Variants in STK32A observed in about 807,000 individuals in gnomAD.
STK32A encodes the protein serine/threonine-protein kinase 32A.
In STK32A, 41 loss-of-function variants were observed where a neutral mutation model predicts 53.2. The ratio of observed to expected loss-of-function variants is 0.77; its 90% CI spans 0.60 to 1.00. The LOEUF is 1.00. STK32A is among the 50% of genes least tolerant of loss of function. The pLI, the probability that STK32A is intolerant of heterozygous loss-of-function variation, is 0.00. For missense variants in STK32A, 458 were observed against 485.8 expected (o/e 0.94, Z 0.54); for synonymous variants, 166 against 162.8 (o/e 1.02, Z -0.15).
the STK32A span, among the ~76,000 whole-genome samples, chr5:147,395,171 A>G: frequency 6.6e-6 from 1 of 152,244 alleles, no homozygotes; most frequent in African/African-American, 2.4e-5. Flanking sequence ...GAGCATAAAA[A>G]TAATTTAAGC....
At chr5:147,324,728 G>C (rs963614686) in intron 5 of STK32A, among the ~76,000 whole-genome samples, 11 of 152,152 alleles carry the variant, frequency 7.2e-5, no homozygotes, top group African/African-American at 2.7e-4. Context: ...TAAATGATCA[G>C]AGCAGATATA....
intron 4 of STK32A, among the ~76,000 whole-genome samples, chr5:147,313,844 G>C (rs1289171271): frequency 6.6e-6 from 1 of 152,080 alleles, no homozygotes; most frequent in African/African-American, 2.4e-5. Context: ...TTCAACAACT[G>C]GTGCTGGGAC....
chr5:147,401,508 A>G, the STK32A span: 3 of 1,584,862 alleles, frequency 1.9e-6, no homozygotes, highest in East Asian at 2.3e-5. Flanking sequence ...TGTTTTCACA[A>G]AACGCCTGCT....
chr5:147,290,283 A>G (rs1470406847), intron 4 of STK32A, among the ~76,000 whole-genome samples: 1 of 152,144 alleles, frequency 6.6e-6, no homozygotes, highest in Non-Finnish European at 1.5e-5. Flanking sequence ...GTCTGGGGGC[A>G]GGGACGTTAA....
chr5:147,280,786 A>C (rs1372713541), intron 4 of STK32A, among the ~76,000 whole-genome samples: 1 of 152,138 alleles, frequency 6.6e-6, no homozygotes, highest in African/African-American at 2.4e-5. Flanking sequence ...CATAATACCA[A>C]AGCTGATGCT....
At chr5:147,309,864 C>A (rs1399972595) in intron 4 of STK32A, among the ~76,000 whole-genome samples, 1 of 152,070 alleles carries the variant, frequency 6.6e-6, no homozygotes, top group African/African-American at 2.4e-5. Flanking sequence ...ATTCTAACTC[C>A]CGACTCCCAA....
chr5:147,381,899 C>T (rs1386549207), intron 11 of STK32A, among the ~76,000 whole-genome samples: 3 of 152,022 alleles, frequency 2.0e-5, no homozygotes, highest in African/African-American at 4.8e-5. Context: ...CCCTGGGCCA[C>T]GTTGGAAGAA....
chr5:147,298,191 T>C (rs183529200), intron 4 of STK32A, among the ~76,000 whole-genome samples: 2 of 152,120 alleles, frequency 1.3e-5, no homozygotes, highest in Non-Finnish European at 2.9e-5. Flanking sequence ...AAGGGATGAG[T>C]TTAGATCACA....
At chr5:147,400,862 CA>C in the STK32A span, 1 of 1,607,912 alleles carries the variant, frequency 6.2e-7, no homozygotes, top group Non-Finnish European at 8.5e-7. Flanking sequence ...TCCACATGAA[CA>C]GGGGAGATGG....
chr5:147,283,844 G>A (rs563460677), intron 4 of STK32A, among the ~76,000 whole-genome samples: 23 of 152,160 alleles, frequency 1.5e-4, no homozygotes, highest in African/African-American at 4.8e-4. Context: ...TGGATTCACA[G>A]CAGAATTATA....
intron 2 of STK32A, among the ~76,000 whole-genome samples, chr5:147,261,259 A>T (rs1754558142): frequency 1.3e-5 from 2 of 152,196 alleles, no homozygotes; most frequent in African/African-American, 4.8e-5. Context: ...TTTCTTTTTA[A>T]TTCTCTGCCC....
At chr5:147,289,058 A>G (rs1312639349) in intron 4 of STK32A, among the ~76,000 whole-genome samples, 1 of 152,172 alleles carries the variant, frequency 6.6e-6, no homozygotes, top group Non-Finnish European at 1.5e-5. Flanking sequence ...CCAAAGGACA[A>G]ATCTAAATGG....
chr5:147,352,247 G>T (rs1756017974), intron 7 of STK32A, among the ~76,000 whole-genome samples: 1 of 152,172 alleles, frequency 6.6e-6, no homozygotes, highest in African/African-American at 2.4e-5. Context: ...AATAAATAAA[G>T]GTGAGGAAAT....
chr5:147,384,374 G>GTGACAAAT lies in STK32A; in HGVS notation c.*392_*399dup, dbSNP rs1581161589. 1 of 1,528,340 alleles carries GTGACAAAT rather than the reference G, an allele frequency of 6.5e-7. No individual in the cohort carries two copies. The highest frequency in any genetic ancestry group is 2.5e-5 in the East Asian group (1 of 40,764). The allele number at this position is 1,528,340 out of a possible 1,614,324, so 94.7% of individuals were successfully genotyped here. A position where few individuals can be genotyped will look rare whatever the true frequency, so the allele number is the denominator to read the frequency against. On this transcript the variant is annotated 3_prime_UTR_variant, in exon 13 of 13. Transcript: ENST00000397936. ...TTTTTCCACTCCTTCTAATTATGCA[G>GTGACAAAT]TGACAAATGGACAAATGGACACAGG...
intron 4 of STK32A, among the ~76,000 whole-genome samples, chr5:147,301,112 A>C (rs113673246): frequency 2.0e-5 from 3 of 152,286 alleles, no homozygotes; most frequent in African/African-American, 7.2e-5. Flanking sequence ...TTACAGAAAG[A>C]GCTTGGAAAA....
intron 11 of STK32A, among the ~76,000 whole-genome samples, chr5:147,378,838 G>GTTTT (rs1757334498): frequency 2.1e-5 from 1 of 48,704 alleles, no homozygotes. Context: ...AATGCCTCCA[G>GTTTT]TCTTTTTTTT....
rs551427823 is a variant in STK32A at position 147,340,574 on chromosome 5, A to G, written c.435-2432A>G. Among the ~76,000 whole-genome samples the G allele has an allele frequency of 9.2e-5, 14 of 152,346 alleles. No homozygotes were observed. In the South Asian group the frequency reaches 2.7e-3, roughly 29 times the overall value. On this transcript the variant is annotated intron_variant, in intron 5 of 12. Coordinates refer to ENST00000397936, the MANE Select transcript of STK32A (RefSeq NM_001112724.2). ...TCATTTTCTCTCTCCTGGTATGTGA[A>G]TAAACAACCTTCCATACTGCAATTT...
At chr5:147,239,417 T>C in intron 1 of STK32A, 122 bp from the exon 2 acceptor site, 1 of 440,098 alleles carries the variant, frequency 2.3e-6, no homozygotes. Context: ...CATGGTTGGT[T>C]TTCAAACACA....
intron 11 of STK32A, among the ~76,000 whole-genome samples, chr5:147,380,575 G>C (rs190052231): frequency 2.0e-5 from 3 of 152,124 alleles, no homozygotes; most frequent in Admixed American, 2.0e-4. Context: ...ATTTGATCTG[G>C]GTCTAATTCT....
Sources: allele counts gnomAD v4.1 joint callset (sites outside exome capture counted in the v4.1 genomes callset), GRCh38; gene constraint gnomAD v4.1.1; transcripts MANE v1.5; gene names NCBI Gene and HGNC (gene_info 2026-07-23, HGNC 2026-07-21).